PSMB1: variants seen among roughly 807,000 people sequenced by gnomAD.
PSMB1 encodes the protein proteasome subunit beta type-1.
Under a neutral mutation model 25.4 loss-of-function variants are expected in PSMB1, and 7 were observed. The ratio of observed to expected loss-of-function variants is 0.28; its 90% CI spans 0.16 to 0.52. The LOEUF (loss-of-function observed/expected upper bound fraction) is 0.52. Among genes scored for constraint, PSMB1 ranks in the 20% least tolerant of loss-of-function variants. PSMB1 has a pLI of 0.97. For missense variants in PSMB1, 284 were observed against 302.2 expected (o/e 0.94, Z 0.45); for synonymous variants, 119 against 115.0 (o/e 1.03, Z -0.22).
In PSMB1 at chr6:170,548,522, G is replaced by A. The variant is rs143075113; in HGVS notation, c.221+484C>T. Among the ~76,000 whole-genome samples the A allele has an allele frequency of 5.6e-3, 849 of 152,202 alleles. 13 individuals are homozygous for A. Among genetic ancestry groups the A allele is most frequent in the African/African-American group, 0.017 (714 of 41,514 alleles). ...TTCAGGTAAAAAAAAAAAGTGTGGG[G>A]AGGCAGATTTAAAAAAAATATCATT... On this transcript the variant is annotated intron_variant, in intron 2 of 5. Transcript: ENST00000262193.
rs369073307 is a variant in PSMB1, at chr6:170,543,591, G to A, written c.433+10C>T. 41 of 1,599,264 alleles carry A rather than the reference G, an allele frequency of 2.6e-5. No individual in the cohort carries two copies. The African/African-American group carries it at 4.7e-4, about 18-fold the overall frequency. ...CCCCCCCACCATTTTCCAGAAAGAAGGAATTCTACCTTCTTCATCAAGTCC... is the reference window on the plus strand; with the variant it reads ...CCCCCCCACCATTTTCCAGAAAGAAAGAATTCTACCTTCTTCATCAAGTCC... On this transcript the variant is annotated intron_variant, in intron 4 of 5. Coordinates refer to ENST00000262193, the MANE Select transcript of PSMB1 (RefSeq NM_002793.4).
At chr6:170,537,173 C>T (rs1778704976) in intron 5 of PSMB1, 61 bp downstream of exon 5, 1 of 1,342,420 alleles carries the variant, frequency 7.4e-7, no homozygotes, top group Non-Finnish European at 1.1e-6. Context: ...GAGGAAGGCA[C>T]TTCAACTGAA....
chr6:170,542,259 C>T (rs1344898296), intron 4 of PSMB1, among the ~76,000 whole-genome samples: 1 of 152,136 alleles, frequency 6.6e-6, no homozygotes, highest in Non-Finnish European at 1.5e-5. Context: ...TCAGAGATAG[C>T]GCACGCAAAG....
In PSMB1 at chr6:170,546,086, T is replaced by C; in HGVS notation, c.303+17A>G. ...CTATTAATTTAAAATAGTGTAGAAATGTACAAAAGCATCTACCTTTAGTCT... is the reference window on the plus strand; with the variant it reads ...CTATTAATTTAAAATAGTGTAGAAACGTACAAAAGCATCTACCTTTAGTCT... On this transcript the variant is annotated intron_variant, in intron 3 of 5. Coordinates refer to ENST00000262193, the MANE Select transcript of PSMB1 (RefSeq NM_002793.4). The C allele has an allele frequency of 6.3e-7, 1 of 1,599,450 alleles. No individual in the cohort carries two copies. The highest frequency in any genetic ancestry group is 8.6e-7 in the Non-Finnish European group (1 of 1,168,140).
rs1288406184 is a variant in PSMB1, at chr6:170,546,914, T to A, written c.222-730A>T. On this transcript the variant is annotated intron_variant, in intron 2 of 5. Transcript: ENST00000262193. ...GTAGCATCTACCCCCAAAGTCTAAT[T>A]TTAATTCTATAAAAATTCTTACAAA... Among the ~76,000 whole-genome samples the A allele has an allele frequency of 3.3e-5, 5 of 152,266 alleles. No homozygotes were observed. In the East Asian group the frequency reaches 9.7e-4, roughly 29 times the overall value.
At chr6:170,547,017 C>T (rs1235332818) in intron 2 of PSMB1, among the ~76,000 whole-genome samples, 1 of 152,126 alleles carries the variant, frequency 6.6e-6, no homozygotes, top group Non-Finnish European at 1.5e-5. Context: ...GACATTAAGT[C>T]ACCATAAACA....
At chr6:170,546,420 G>A (rs116816964) in intron 2 of PSMB1, among the ~76,000 whole-genome samples, 8,151 of 152,142 alleles carry the variant, frequency 0.054, 724 homozygotes, top group African/African-American at 0.19. Flanking sequence ...TAAATCATGG[G>A]TGAATTTTTT....
In PSMB1 at chr6:170,551,304, A is replaced by G. The variant is rs180817516; in HGVS notation, c.113+1826T>C. On this transcript the variant is annotated intron_variant, in intron 1 of 5. Coordinates refer to ENST00000262193, the MANE Select transcript of PSMB1 (RefSeq NM_002793.4). ...TCATGAGAGGCAGAACTGGAAAACCAGATTTGGGAGTAATCCTCCCAGCAA... is the reference window on the plus strand; with the variant it reads ...TCATGAGAGGCAGAACTGGAAAACCGGATTTGGGAGTAATCCTCCCAGCAA... 2.0e-3 allele frequency among the ~76,000 whole-genome samples: 309 copies of G among 152,338 alleles called. 3 individuals carry two copies. Among genetic ancestry groups the G allele is most frequent in the African/African-American group, 7.0e-3 (291 of 41,586 alleles).
intron 1 of PSMB1, among the ~76,000 whole-genome samples, chr6:170,552,515 CG>C (rs1778919691): frequency 9.2e-6 from 1 of 109,018 alleles, no homozygotes; most frequent in Non-Finnish European, 1.9e-5. Context: ...TTAAGCTAAA[CG>C]TTAAAAAAAA....
chr6:170,547,201 C>T (rs1209924624), intron 2 of PSMB1, among the ~76,000 whole-genome samples: 1 of 152,156 alleles, frequency 6.6e-6, no homozygotes, highest in Non-Finnish European at 1.5e-5. Flanking sequence ...TTTAAATACA[C>T]ACCACTCTCA....
chr6:170,545,648 C>T (rs907636358), intron 3 of PSMB1, among the ~76,000 whole-genome samples: 1 of 152,188 alleles, frequency 6.6e-6, no homozygotes, highest in African/African-American at 2.4e-5. Context: ...TCCAAGCTCC[C>T]AGCTTATTCA....
intron 1 of PSMB1, among the ~76,000 whole-genome samples, chr6:170,551,959 G>C (rs1252080062): frequency 2.0e-5 from 3 of 152,204 alleles, no homozygotes; most frequent in African/African-American, 2.4e-5. Flanking sequence ...AGTACCCAAA[G>C]TGTCCTTTAG....
At chr6:170,551,131 G>C (rs775173538) in intron 1 of PSMB1, among the ~76,000 whole-genome samples, 3 of 152,170 alleles carry the variant, frequency 2.0e-5, no homozygotes, top group Non-Finnish European at 4.4e-5. Context: ...GACAGAGTGA[G>C]ACTCTGTCTC....
At chr6:170,542,737 AG>A (rs1778771782) in intron 4 of PSMB1, among the ~76,000 whole-genome samples, 6 of 152,152 alleles carry the variant, frequency 3.9e-5, no homozygotes, top group Admixed American at 3.9e-4. Flanking sequence ...AGTCCCTTAC[AG>A]GAATTCCTCT....
intron 2 of PSMB1, 142 bp downstream of exon 2, chr6:170,548,864 A>G: frequency 3.1e-6 from 2 of 648,804 alleles, no homozygotes; most frequent in Non-Finnish European, 5.3e-6. Context: ...AGGAAACATT[A>G]ACTTAGAAAA....
At chr6:170,537,748 G>A (rs1257128100) in intron 4 of PSMB1, among the ~76,000 whole-genome samples, 1 of 152,220 alleles carries the variant, frequency 6.6e-6, no homozygotes, top group Non-Finnish European at 1.5e-5. Context: ...TGGAAGCCAT[G>A]AGAATACACA....
intron 3 of PSMB1, 97 bp downstream of exon 3, chr6:170,546,006 C>T: frequency 8.9e-6 from 9 of 1,008,938 alleles, no homozygotes; most frequent in Non-Finnish European, 1.3e-5. Context: ...CCTAGTGACT[C>T]TCTAGCTATC....
At chr6:170,537,401 A>G (rs1778707853) in intron 4 of PSMB1, 61 bp from the exon 5 acceptor site, 2 of 1,353,774 alleles carry the variant, frequency 1.5e-6, no homozygotes, top group South Asian at 2.4e-5. Flanking sequence ...AATCATCGCA[A>G]AAATAAATCA....
intron 5 of PSMB1, chr6:170,536,373 T>C (rs1441664781): frequency 1.1e-5 from 5 of 448,904 alleles, no homozygotes; most frequent in Non-Finnish European, 2.2e-5. Flanking sequence ...TTCATTGTGT[T>C]TAGTGCGATT....
Sources: gnomAD v4.1 joint callset for allele counts (sites outside exome capture counted in the v4.1 genomes callset) on GRCh38, gnomAD v4.1.1 for gene constraint, MANE v1.5 for transcripts, NCBI Gene and HGNC (gene_info 2026-07-23, HGNC 2026-07-21) for gene names.